CADM2: variants seen among roughly 807,000 people sequenced by gnomAD.
The protein encoded by CADM2 is immunoglobulin superfamily member 4D.
Under a neutral mutation model 49.8 loss-of-function variants are expected in CADM2, and 12 were observed. The ratio of observed to expected loss-of-function variants is 0.24; its 90% confidence interval spans 0.15 to 0.39. The LOEUF is 0.39. Among genes scored for constraint, CADM2 ranks in the 10% least tolerant of loss-of-function variants. The pLI is 1.00. For missense variants in CADM2, 378 were observed against 492.3 expected (o/e 0.77, Z 2.20); for synonymous variants, 214 against 175.4 (o/e 1.22, Z -1.74).
At chr3:85,585,238 G>A (rs1227229294) in intron 1 of CADM2, among the ~76,000 whole-genome samples, 1 of 151,896 alleles carries the variant, frequency 6.6e-6, no homozygotes, top group Non-Finnish European at 1.5e-5. Flanking sequence ...CAGTATTACA[G>A]TGTTCGTGTT....
chr3:85,036,900 C>T (rs1390891819), intron 1 of CADM2, among the ~76,000 whole-genome samples: 2 of 151,312 alleles, frequency 1.3e-5, no homozygotes, highest in Non-Finnish European at 2.9e-5. Context: ...GCCTGTTATA[C>T]CAGCATTTTG....
chr3:86,038,463 C>T (rs1387400901), intron 8 of CADM2, among the ~76,000 whole-genome samples: 1 of 152,092 alleles, frequency 6.6e-6, no homozygotes, highest in East Asian at 1.9e-4. Context: ...TCAGACCTTG[C>T]CCTCTAAACT....
chr3:85,961,385 A>C, intron 7 of CADM2, 84 bp from the exon 8 acceptor site: 1 of 1,172,854 alleles, frequency 8.5e-7, no homozygotes, highest in Non-Finnish European at 1.2e-6. Flanking sequence ...ATACATGTTA[A>C]ATATTAAAAA....
At chr3:85,639,321 T>A (rs550533813) in intron 1 of CADM2, among the ~76,000 whole-genome samples, 3 of 152,344 alleles carry the variant, frequency 2.0e-5, no homozygotes, top group African/African-American at 7.2e-5. Context: ...TCAGAAATGT[T>A]GAGAGTTATG....
At chr3:85,760,405 C>T (rs1046837190) in intron 2 of CADM2, among the ~76,000 whole-genome samples, 9 of 151,204 alleles carry the variant, frequency 6.0e-5, no homozygotes, top group Admixed American at 2.6e-4. Context: ...TCCTTTTGTA[C>T]GTTGATGACA....
intron 3 of CADM2, among the ~76,000 whole-genome samples, chr3:85,833,780 C>T (rs899620860): frequency 2.8e-4 from 42 of 151,530 alleles, no homozygotes; most frequent in Non-Finnish European, 4.4e-4. Flanking sequence ...AAAGCTATAT[C>T]ATCATCATCA....
At chr3:85,516,636 A>G (rs987575062) in intron 1 of CADM2, among the ~76,000 whole-genome samples, 6 of 152,014 alleles carry the variant, frequency 3.9e-5, no homozygotes, top group African/African-American at 1.4e-4. Context: ...ATCTGTGCCA[A>G]CTTCTTAAGA....
chr3:85,618,427 AAGAT>A (rs1353947784), intron 1 of CADM2, among the ~76,000 whole-genome samples: 1 of 152,172 alleles, frequency 6.6e-6, no homozygotes, highest in Non-Finnish European at 1.5e-5. Context: ...ACAGAAAAAA[AAGAT>A]AGAAGATGTT....
At chr3:85,441,974 T>C (rs1361720372) in intron 1 of CADM2, among the ~76,000 whole-genome samples, 1 of 152,044 alleles carries the variant, frequency 6.6e-6, no homozygotes, top group Non-Finnish European at 1.5e-5. Context: ...CAGAGACAGA[T>C]ACCTGATTAA....
chr3:85,953,618 A>G (rs1454024166), intron 7 of CADM2, among the ~76,000 whole-genome samples: 2 of 150,934 alleles, frequency 1.3e-5, no homozygotes, highest in Non-Finnish European at 3.0e-5. Context: ...CATTTATGCC[A>G]CTTACTGTAT....
chr3:85,007,340 A>C (rs2033780864), intron 1 of CADM2, among the ~76,000 whole-genome samples: 1 of 151,932 alleles, frequency 6.6e-6, no homozygotes, highest in Admixed American at 6.6e-5. Context: ...TGTGAAACAA[A>C]GAGTCTCTGT....
At chr3:85,256,661 G>A (rs529009783) in intron 1 of CADM2, among the ~76,000 whole-genome samples, 1 of 152,084 alleles carries the variant, frequency 6.6e-6, no homozygotes, top group Admixed American at 6.6e-5. Context: ...TACTTACAAA[G>A]TCTAGTTTTG....
At chr3:85,650,242 C>T (rs1038448219) in intron 1 of CADM2, among the ~76,000 whole-genome samples, 4 of 152,098 alleles carry the variant, frequency 2.6e-5, no homozygotes, top group Non-Finnish European at 5.9e-5. Context: ...TTTCTGTTAC[C>T]CATTACACTA....
At chr3:85,629,243 C>G (rs2064230207) in intron 1 of CADM2, among the ~76,000 whole-genome samples, 1 of 151,752 alleles carries the variant, frequency 6.6e-6, no homozygotes. Context: ...TGAATTGTAA[C>G]TCAGTGCTTA....
chr3:85,053,704 T>C (rs1269792299), intron 1 of CADM2, among the ~76,000 whole-genome samples: 1 of 151,942 alleles, frequency 6.6e-6, no homozygotes, highest in Non-Finnish European at 1.5e-5. Context: ...AATCGGAGAA[T>C]TGTTTTTAGA....
intron 2 of CADM2, among the ~76,000 whole-genome samples, chr3:85,726,953 ATCT>A (rs935071975): frequency 3.9e-5 from 6 of 152,220 alleles, no homozygotes; most frequent in Middle Eastern, 3.4e-3. Flanking sequence ...ATAAAATTTA[ATCT>A]TCTAAAAACT....
chr3:85,688,803 A>G (rs1020515961), intron 1 of CADM2, among the ~76,000 whole-genome samples: 1 of 152,026 alleles, frequency 6.6e-6, no homozygotes, highest in Non-Finnish European at 1.5e-5. Flanking sequence ...TCTGACCTCA[A>G]GCGATCCTCC....
intron 1 of CADM2, among the ~76,000 whole-genome samples, chr3:85,132,584 TC>T (rs527825790): frequency 1.8e-4 from 26 of 145,430 alleles, no homozygotes; most frequent in African/African-American, 6.6e-4. Flanking sequence ...TAAGAATTAA[TC>T]CATTACATAA....
intron 7 of CADM2, among the ~76,000 whole-genome samples, chr3:85,950,565 C>A (rs1723308249): frequency 1.3e-5 from 2 of 150,988 alleles, no homozygotes; most frequent in African/African-American, 4.8e-5. Context: ...TTAATAGGCA[C>A]TCTAAAAATG....
Sources: gnomAD v4.1 joint callset for allele counts (sites outside exome capture counted in the v4.1 genomes callset) on GRCh38, gnomAD v4.1.1 for gene constraint, MANE v1.5 for transcripts, NCBI Gene and HGNC (gene_info 2026-07-23, HGNC 2026-07-21) for gene names.